GRAMD1A: variants seen among roughly 807,000 people sequenced by gnomAD.
GRAMD1A encodes GRAM domain containing 1A, also known as protein Aster-A.
Under a neutral mutation model 92.0 loss-of-function variants are expected in GRAMD1A, and 50 were observed. The observed-to-expected ratio is 0.54, with a 90% CI of 0.43 to 0.69. The LOEUF (loss-of-function observed/expected upper bound fraction) is 0.69. Ranked by LOEUF, GRAMD1A falls within the 30% of genes least tolerant of loss-of-function variation. The pLI is 0.00. For synonymous variants in GRAMD1A, 405 were observed against 403.6 expected, an observed-to-expected ratio of 1.00 and a Z score of -0.04; for missense variants, 819 against 978.9, an observed-to-expected ratio of 0.84 and a Z score of 2.18.
chr19:35,005,821 G>A (rs1347824006), intron 1 of GRAMD1A: 2 of 455,696 alleles, frequency 4.4e-6, no homozygotes, highest in Non-Finnish European at 4.4e-6. Context: ...AGCTGCCCAG[G>A]GGACTGTGGG....
At chr19:35,004,111 C>T (rs2014619240) in intron 1 of GRAMD1A, among the ~76,000 whole-genome samples, 1 of 152,086 alleles carries the variant, frequency 6.6e-6, no homozygotes, top group African/African-American at 2.4e-5. Flanking sequence ...AGACTGTAGT[C>T]CCAGCTATCA....
In GRAMD1A at chr19:35,021,757, T is replaced by C. The variant is rs2016070683; in HGVS notation, c.1646T>C (p.Leu549Pro). The C allele has an allele frequency of 6.2e-7, 1 of 1,613,706 alleles. No individual in the cohort carries two copies. Residue 549 changes from leucine (L) to proline (P), a missense_variant, in exon 15 of 20, where the codon CTA becomes CCA. Coordinates refer to ENST00000317991, the MANE Select transcript of GRAMD1A (RefSeq NM_020895.5). This position sits in a 1 kb window ranked among gnomAD's most constrained non-coding sequence, Gnocchi z 5.3. ...EEGGKDARGL[L>P]SGLRRRKRPL... ...GGCGGGAAGGATGCCCGGGGCTTGCTATCCGGCCTGCGGCGGCGGAAGCGG... is the reference window on the plus strand; with the variant it reads ...GGCGGGAAGGATGCCCGGGGCTTGCCATCCGGCCTGCGGCGGCGGAAGCGG...
rs111520640 is a variant in GRAMD1A at position 35,016,104 on chromosome 19, A to G, written c.1213+137A>G. ...GGTGAAAAGCAATGTCTGTCAGACC[A>G]GAAGCAGCTCTGCCACTTACTAGCT... On this transcript the variant is annotated intron_variant, in intron 11 of 19. Transcript: ENST00000317991. The G allele has an allele frequency of 8.8e-3, 7,973 of 908,748 alleles. 445 individuals carry two copies. The African/African-American group carries it at 0.12, about 14-fold the overall frequency. 56.3% of individuals were successfully genotyped at this position (908,748 alleles called of 1,614,324 possible).
upstream of GRAMD1A, chr19:34,996,286 G>A: frequency 6.6e-7 from 1 of 1,526,036 alleles, no homozygotes. Flanking sequence ...GTCTGTCCCA[G>A]GACAGGTCAG....
In GRAMD1A at chr19:35,014,232, C is replaced by T. The variant is rs751803764; in HGVS notation, c.914C>T (p.Ala305Val). Residue 305 changes from alanine to valine, a missense_variant, in exon 10 of 20, where the codon GCC becomes GTC. Physicochemically the swap from Ala to Val is moderately conservative, Grantham distance 64. Coordinates refer to ENST00000317991, the MANE Select transcript of GRAMD1A (RefSeq NM_020895.5). ...GAGCAGGTAGACAGCCAGCCAGACGCCTCCTCCAGCCAGACAGTGACCCCG... is the reference window on the plus strand; with the variant it reads ...GAGCAGGTAGACAGCCAGCCAGACGTCTCCTCCAGCCAGACAGTGACCCCG... ...KEEQVDSQPD[A>V]SSSQTVTPVA... 6.2e-7 allele frequency: 1 copy of T among 1,614,048 alleles called. No homozygotes were observed. The highest frequency in any genetic ancestry group is 1.1e-5 in the South Asian group (1 of 91,074).
upstream of GRAMD1A, among the ~76,000 whole-genome samples, chr19:34,997,106 G>A (rs2014067334): frequency 6.6e-6 from 1 of 151,874 alleles, no homozygotes; most frequent in African/African-American, 2.4e-5. Flanking sequence ...TAGAGACGAG[G>A]TCTGACCATG....
chr19:35,020,658 CAAAAAAAAA>C (rs56181450), intron 13 of GRAMD1A, among the ~76,000 whole-genome samples: 19 of 112,340 alleles, frequency 1.7e-4, no homozygotes, highest in African/African-American at 4.5e-4. Flanking sequence ...GACCCTGTCT[CAAAAAAAAA>C]AAAAAAAAAA....
At chr19:35,017,953 G>A (rs1049619878) in intron 11 of GRAMD1A, among the ~76,000 whole-genome samples, 1 of 152,030 alleles carries the variant, frequency 6.6e-6, no homozygotes, top group Non-Finnish European at 1.5e-5. Context: ...CTGACAGAGT[G>A]GACATTAAAT....
upstream of GRAMD1A, among the ~76,000 whole-genome samples, chr19:34,996,901 T>C (rs1438417221): frequency 6.6e-6 from 1 of 151,902 alleles, no homozygotes; most frequent in African/African-American, 2.4e-5. Context: ...ATAAAACTAA[T>C]ACAGTGAATT....
rs368528631 is a variant in GRAMD1A at position 35,009,916 on chromosome 19, A to G, written c.269A>G (p.Asn90Ser). The G allele has an allele frequency of 1.4e-5, 22 of 1,612,578 alleles. No homozygotes were observed. The African/African-American group carries it at 2.3e-4, about 17-fold the overall frequency. ...SMLSPTYKQR[N>S]EDFRKLFSKL... ...CTGAGCCCCACTTATAAGCAGCGTA[A>G]TGAGGACTTCCGGAAACTGTTCAGC... Residue 90 changes from asparagine (N) to serine (S), a missense_variant, in exon 4 of 20, where the codon AAT becomes AGT. Physicochemically the swap from Asn to Ser is conservative, Grantham distance 46. Around this residue, in one of 3 missense-constraint regions of GRAMD1A, gnomAD observed 144 missense variants for 220.3 expected, o/e 0.65. Coordinates refer to ENST00000317991, the MANE Select transcript of GRAMD1A (RefSeq NM_020895.5).
chr19:34,996,348 T>C, upstream of GRAMD1A: 1 of 1,373,448 alleles, frequency 7.3e-7, no homozygotes, highest in Non-Finnish European at 9.7e-7. Flanking sequence ...GAGGGTTCTC[T>C]CTGTCAAGGG....
At chr19:34,997,747 G>A (rs887725469), upstream of GRAMD1A, among the ~76,000 whole-genome samples, 17 of 152,110 alleles carry the variant, frequency 1.1e-4, no homozygotes, top group Non-Finnish European at 1.6e-4. Context: ...GTTGGTGGAT[G>A]CCTCCTGATG....
chr19:35,002,074 GT>G (rs1345509740), intron 1 of GRAMD1A, among the ~76,000 whole-genome samples: 1 of 152,080 alleles, frequency 6.6e-6, no homozygotes, highest in East Asian at 1.9e-4. Flanking sequence ...AGGCCTCTCT[GT>G]GTACAGCTGA....
chr19:35,000,379 T>C lies in GRAMD1A; in HGVS notation c.-100T>C, dbSNP rs1263329014. ...CGGCGGCCGCGGAAGGCCAGGCCGGTGCCCTGCGGGGACGCCCAGCGCAGC... is the reference window on the plus strand; with the variant it reads ...CGGCGGCCGCGGAAGGCCAGGCCGGCGCCCTGCGGGGACGCCCAGCGCAGC... On this transcript the variant is annotated 5_prime_UTR_variant, in exon 1 of 20. Transcript: ENST00000317991. The surrounding 1 kb of genome is among the most constrained non-coding windows in gnomAD (Gnocchi z 4.9). 7 of 1,137,204 alleles carry C rather than the reference T, an allele frequency of 6.2e-6. No homozygotes were observed. The highest frequency in any genetic ancestry group is 6.5e-6 in the Non-Finnish European group (6 of 928,812). The allele number at this position is 1,137,204 out of a possible 1,614,324, so 70.4% of individuals were successfully genotyped here.
intron 7 of GRAMD1A, among the ~76,000 whole-genome samples, chr19:35,012,553 A>G (rs959226709): frequency 6.6e-6 from 1 of 152,258 alleles, no homozygotes; most frequent in East Asian, 1.9e-4. Context: ...ACGATGGCAT[A>G]GGCATGGGAG....
intron 1 of GRAMD1A, among the ~76,000 whole-genome samples, chr19:35,003,464 C>T (rs1316384038): frequency 6.6e-6 from 1 of 152,158 alleles, no homozygotes; most frequent in Non-Finnish European, 1.5e-5. Context: ...GGTTGGGCAG[C>T]CGCAGGGTCC....
At position 35,013,871 on chromosome 19, in the gene GRAMD1A, CAG is replaced by C. The variant is rs1429275943; in HGVS notation, c.870+181_870+182del. On this transcript the variant is annotated intron_variant, in intron 9 of 19. Transcript: ENST00000317991. This position sits in a 1 kb window ranked among gnomAD's most constrained non-coding sequence, Gnocchi z 4.9. The stretch of plus-strand genomic sequence containing the variant: ...CGGACATGTGACAGGGAAAGAGAGA[CAG>C]GGAAGAGAGGGGACAGACAGAAAGG... 6.6e-6 allele frequency among the ~76,000 whole-genome samples: 1 copy of C among 151,864 alleles called. No homozygotes were observed. The highest frequency in any genetic ancestry group is 6.6e-5 in the Admixed American group (1 of 15,250).
chr19:35,005,860 C>A (rs963977817), intron 1 of GRAMD1A: 1 of 456,012 alleles, frequency 2.2e-6, no homozygotes, highest in African/African-American at 2.0e-5. Context: ...TCCTGAAGGA[C>A]AAATAAGGAT....
At chr19:35,004,402 G>C (rs58718195) in intron 1 of GRAMD1A, among the ~76,000 whole-genome samples, 1 of 152,094 alleles carries the variant, frequency 6.6e-6, no homozygotes, top group Non-Finnish European at 1.5e-5. Context: ...GATTCAGAAG[G>C]TTGGGAGTGG....
Sources: gnomAD v4.1 joint callset for allele counts (sites outside exome capture counted in the v4.1 genomes callset) on GRCh38, gnomAD v4.1.1 for gene constraint, gnomAD v4.1.1 regional missense constraint, Gnocchi (gnomAD v3.1) non-coding constraint, MANE v1.5 for transcripts, NCBI Gene and HGNC (gene_info 2026-07-23, HGNC 2026-07-21) for gene names.